The following FGF13 variants were observed in gnomAD, a reference collection of about 807,000 sequenced individuals.
FGF13 encodes fibroblast growth factor 13, also known as fibroblast growth factor homologous factor 2.
In FGF13, 2 loss-of-function variants were observed where a neutral mutation model predicts 19.5. That is an observed-to-expected ratio of 0.10 (90% confidence interval 0.04 to 0.32). The LOEUF is 0.32. Among genes scored for constraint, FGF13 ranks in the 10% least tolerant of loss-of-function variants. The pLI, the probability that FGF13 is intolerant of heterozygous loss-of-function variation, is 1.00. For synonymous variants in FGF13, 72 were observed against 76.9 expected (o/e 0.94, Z 0.33); for missense variants, 113 against 192.7 (o/e 0.59, Z 2.45).
In FGF13 at chrX:139,016,403, C is replaced by T. The variant is rs182579377; in HGVS notation, c.-112-151753G>A. On this transcript the variant is annotated intron_variant, in intron 1 of 2. Coordinates refer to the FGF13 transcript ENST00000421460. ...CAAAGTCAGTGAAAGATCAAATCTT[C>T]TAGCGCTCTTCCTAGTTCTCTCCCA... Among the ~76,000 whole-genome samples, 218 of 111,524 alleles carry T rather than the reference C, an allele frequency of 2.0e-3. 1 individual carries two copies. Among genetic ancestry groups the T allele is most frequent in the Non-Finnish European group, 3.6e-3 (192 of 52,968 alleles).
At chrX:138,895,454 A>G (rs1325889379) in intron 1 of FGF13, among the ~76,000 whole-genome samples, 4 of 112,343 alleles carry the variant, frequency 3.6e-5, no homozygotes, top group Non-Finnish European at 7.5e-5. Flanking sequence ...GCCAATAAGT[A>G]TATGAAAAGG....
chrX:139,037,177 A>G (rs1203081914), intron 1 of FGF13, among the ~76,000 whole-genome samples: 1 of 111,193 alleles, frequency 9.0e-6, no homozygotes, highest in Non-Finnish European at 1.9e-5. Flanking sequence ...TATTGAGGGA[A>G]AAGGACACTG....
intron 3 of FGF13, among the ~76,000 whole-genome samples, chrX:138,686,814 T>C (rs1373118728): frequency 1.8e-5 from 2 of 111,989 alleles, no homozygotes; most frequent in Non-Finnish European, 3.8e-5. Context: ...ATAAAGCCTC[T>C]TAAAGGCTGA....
At chrX:138,882,859 A>T (rs2091434130) in intron 1 of FGF13, among the ~76,000 whole-genome samples, 1 of 111,222 alleles carries the variant, frequency 9.0e-6, no homozygotes, top group Admixed American at 9.6e-5. Context: ...CCCTCCCTCA[A>T]GCCTCCCTCT....
At chrX:138,873,822 C>T (rs961724799) in intron 1 of FGF13, among the ~76,000 whole-genome samples, 2 of 110,479 alleles carry the variant, frequency 1.8e-5, no homozygotes, top group Non-Finnish European at 3.8e-5. Flanking sequence ...ACTATGTAGC[C>T]ATAAAAAAGG....
At chrX:139,075,412 G>A (rs1367844740) in intron 1 of FGF13, among the ~76,000 whole-genome samples, 2 of 112,024 alleles carry the variant, frequency 1.8e-5, no homozygotes, top group Admixed American at 9.5e-5. Flanking sequence ...ATACACAGAA[G>A]AGGCAATTAC....
At chrX:138,886,268 A>G (rs2091451493) in intron 1 of FGF13, among the ~76,000 whole-genome samples, 1 of 112,223 alleles carries the variant, frequency 8.9e-6, no homozygotes, top group South Asian at 3.7e-4. Flanking sequence ...CTGAACAGAA[A>G]TCCAAGTAGC....
At chrX:139,066,944 G>C (rs183082990) in intron 1 of FGF13, among the ~76,000 whole-genome samples, 1 of 111,198 alleles carries the variant, frequency 9.0e-6, no homozygotes, top group African/African-American at 3.3e-5. Context: ...CGATCAAGTC[G>C]GCTTCATCCC....
intron 1 of FGF13, among the ~76,000 whole-genome samples, chrX:139,101,333 A>G (rs1246008736): frequency 8.9e-6 from 1 of 112,523 alleles, no homozygotes; most frequent in Non-Finnish European, 1.9e-5. Flanking sequence ...TCATCCTTGA[A>G]GCCAACAGCT....
intron 1 of FGF13, among the ~76,000 whole-genome samples, chrX:139,143,816 G>A (rs73633980): frequency 0.061 from 6,778 of 111,606 alleles, 517 homozygotes; most frequent in African/African-American, 0.21. Context: ...TCAAAATCTA[G>A]TCCCAAGGGA....
chrX:138,980,363 C>T (rs770900270), intron 1 of FGF13, among the ~76,000 whole-genome samples: 4 of 111,769 alleles, frequency 3.6e-5, no homozygotes, highest in Non-Finnish European at 7.5e-5. Flanking sequence ...AAACATGTAG[C>T]ATCCTACCTT....
intron 1 of FGF13, among the ~76,000 whole-genome samples, chrX:139,154,833 A>G (rs927343863): frequency 8.9e-6 from 1 of 111,944 alleles, no homozygotes; most frequent in African/African-American, 3.2e-5. Flanking sequence ...TAATTTGTAT[A>G]TTAGTAGTAA....
In FGF13 at chrX:139,098,866, G is replaced by A. The variant is rs764440893; in HGVS notation, c.-113+104550C>T. Among the ~76,000 whole-genome samples the A allele has an allele frequency of 9.9e-5, 11 of 111,630 alleles. No individual in the cohort carries two copies. The East Asian group carries it at 3.1e-3, about 31-fold the overall frequency. ...ATACCCATGTAACAAATCTGCACAT[G>A]TACCCACTGAATCTAAAATTTAAAA... On this transcript the variant is annotated intron_variant, in intron 1 of 2. Transcript: ENST00000421460.
At chrX:139,031,588 T>C (rs1383033626) in intron 1 of FGF13, among the ~76,000 whole-genome samples, 1 of 110,438 alleles carries the variant, frequency 9.1e-6, no homozygotes. Context: ...AGGAAACATA[T>C]GTAGAAATTG....
chrX:138,910,922 C>T (rs2091584259), intron 1 of FGF13, among the ~76,000 whole-genome samples: 1 of 111,151 alleles, frequency 9.0e-6, no homozygotes, highest in East Asian at 2.8e-4. Flanking sequence ...CTTTCCTAAA[C>T]CTATTGGCCT....
intron 1 of FGF13, among the ~76,000 whole-genome samples, chrX:138,957,676 G>A (rs941597803): frequency 8.9e-6 from 1 of 111,788 alleles, no homozygotes; most frequent in South Asian, 3.7e-4. Context: ...ATTTGTTTGT[G>A]TCTTCTTTTA....
At chrX:138,869,794 GCTTTT>G (rs1012464176) in intron 1 of FGF13, among the ~76,000 whole-genome samples, 1 of 112,008 alleles carries the variant, frequency 8.9e-6, no homozygotes, top group African/African-American at 3.2e-5. Flanking sequence ...CTAAATGGGT[GCTTTT>G]CTTTGCATTC....
At chrX:138,666,856 G>A (rs904859865) in intron 3 of FGF13, among the ~76,000 whole-genome samples, 1 of 109,985 alleles carries the variant, frequency 9.1e-6, no homozygotes, top group Non-Finnish European at 1.9e-5. Context: ...ACACATTTAG[G>A]TGTGAACAGT....
At position 138,618,893 on chromosome X, in the gene FGF13, AAG is replaced by A. The variant is rs1297068927; in HGVS notation, c.*13955_*13956del. On this transcript the variant is annotated 3_prime_UTR_variant, in exon 5 of 5. Transcript: ENST00000315930. ...TGACACATCTACAGAAAAGATGTGC[AAG>A]AGTCTTAGTATCCCCAGTCAGGCTA... The A allele has an allele frequency of 8.9e-6, 1 of 111,818 alleles. No individual in the cohort carries two copies. The highest frequency in any genetic ancestry group is 1.9e-5 in the Non-Finnish European group (1 of 53,223). 9.2% of individuals were successfully genotyped at this position (111,818 alleles called of 1,213,427 possible).
Sources: gnomAD v4.1 joint callset for allele counts (sites outside exome capture counted in the v4.1 genomes callset) on GRCh38, gnomAD v4.1.1 for gene constraint, MANE v1.5 for transcripts, NCBI Gene and HGNC (gene_info 2026-07-23, HGNC 2026-07-21) for gene names.